Variants in EXOC1 observed in about 807,000 individuals in gnomAD.
The protein encoded by EXOC1 is SEC3-like 1.
Under a neutral mutation model 107.7 loss-of-function variants are expected in EXOC1, and 67 were observed. That is an observed-to-expected ratio of 0.62 (90% CI 0.51 to 0.76). EXOC1 has a LOEUF of 0.76. EXOC1 is among the 30% of genes least tolerant of loss of function. EXOC1 has a pLI of 0.00. For synonymous variants in EXOC1, 348 were observed against 353.5 expected (o/e 0.98, Z 0.17); for missense variants, 833 against 1,055.7 (o/e 0.79, Z 2.92).
chr4:55,896,666 G>A, intron 15 of EXOC1, 51 bp from the exon 16 acceptor site: 1 of 1,437,894 alleles, frequency 7.0e-7, no homozygotes, highest in Non-Finnish European at 9.4e-7. Context: ...ATTATATGTA[G>A]TTTTAAAGTT....
At position 55,903,802 on chromosome 4, in the gene EXOC1, A is replaced by G. The variant is rs28530658; in HGVS notation, c.2533-541A>G. 6.6e-3 allele frequency among the ~76,000 whole-genome samples: 1,009 copies of G among 152,336 alleles called. 11 individuals are homozygous for G. Among genetic ancestry groups the G allele is most frequent in the African/African-American group, 0.023 (968 of 41,574 alleles). On this transcript the variant is annotated intron_variant, in intron 18 of 18. Coordinates refer to ENST00000381295, the MANE Select transcript of EXOC1 (RefSeq NM_001024924.2). ...ACATATTAGCCTCCACTGTTAGATT[A>G]TAAATCACATGATTGCAGATAATGG...
Position 55,883,931 on chromosome 4 carries a change from A to G in EXOC1, c.1330+3A>G. The G allele has an allele frequency of 6.3e-7, 1 of 1,588,282 alleles. No homozygotes were observed. Among genetic ancestry groups the G allele is most frequent in the South Asian group, 1.2e-5 (1 of 86,494 alleles). On this transcript the variant is annotated splice_donor_region_variant and intron_variant, in intron 10 of 18. Transcript: ENST00000381295. ...AACTAAAGAAAGCAAGAAGTTTGGT[A>G]AGCTTAGGCATGTCAGTTCATTATC... is the stretch of plus-strand genomic sequence containing the variant.
In EXOC1 at chr4:55,853,840, G is replaced by T. The variant is rs1192025221; in HGVS notation, c.-124G>T. ...GCTGCCCGGTAGTCCCGGCGGCGGC[G>T]GACAGACGAGCTGACAGGCACCAGG... On this transcript the variant is annotated 5_prime_UTR_variant, in exon 1 of 19. Coordinates refer to ENST00000381295, the MANE Select transcript of EXOC1 (RefSeq NM_001024924.2). 1 of 152,354 alleles carries T rather than the reference G, an allele frequency of 6.6e-6. No homozygotes were observed. The highest frequency in any genetic ancestry group is 1.5e-5 in the Non-Finnish European group (1 of 68,150). 9.4% of individuals were successfully genotyped at this position (152,354 alleles called of 1,614,324 possible). A position where few individuals can be genotyped will look rare whatever the true frequency, so the allele number is the denominator to read the frequency against.
chr4:55,895,964 A>T, intron 15 of EXOC1, among the ~76,000 whole-genome samples: 1 of 152,186 alleles, frequency 6.6e-6, no homozygotes, highest in Admixed American at 6.5e-5. Flanking sequence ...TGGTTCTCAA[A>T]CTTGACCACG....
intron 5 of EXOC1, among the ~76,000 whole-genome samples, chr4:55,869,469 A>G (rs1160973573): frequency 7.9e-5 from 12 of 152,212 alleles, no homozygotes; most frequent in Admixed American, 2.6e-4. Flanking sequence ...AAAGGTAAGC[A>G]TTTAAGAAAT....
intron 12 of EXOC1, among the ~76,000 whole-genome samples, chr4:55,891,069 A>G (rs2062404405): frequency 6.6e-6 from 1 of 152,172 alleles, no homozygotes; most frequent in Non-Finnish European, 1.5e-5. Flanking sequence ...TCCTCTTTCC[A>G]GATGTGAAGT....
intron 10 of EXOC1, among the ~76,000 whole-genome samples, chr4:55,887,664 G>A (rs1238867777): frequency 6.6e-6 from 1 of 151,702 alleles, no homozygotes; most frequent in African/African-American, 2.4e-5. Context: ...GGCTGAGGTA[G>A]GAGGATCACT....
intron 10 of EXOC1, chr4:55,885,823 A>G (rs1291802855): frequency 6.6e-6 from 1 of 152,236 alleles, no homozygotes; most frequent in East Asian, 1.9e-4. Context: ...TTTTAAAATT[A>G]ATTTCAAGTT....
At chr4:55,881,325 G>A (rs566153359) in intron 9 of EXOC1, among the ~76,000 whole-genome samples, 1 of 152,220 alleles carries the variant, frequency 6.6e-6, no homozygotes, top group African/African-American at 2.4e-5. Context: ...CCTGAGATTG[G>A]CAGTCTGACT....
chr4:55,893,858 G>A (rs1319563576), intron 15 of EXOC1, 78 bp downstream of exon 15: 3 of 1,163,110 alleles, frequency 2.6e-6, no homozygotes, highest in Non-Finnish European at 3.6e-6. Flanking sequence ...AAAATCGAGG[G>A]ATTTCCAGCT....
chr4:55,902,520 A>G lies in EXOC1; in HGVS notation c.2514A>G (p.Glu838=), dbSNP rs1397630281. 3.9e-6 allele frequency: 6 copies of G among 1,527,940 alleles called. No homozygotes were observed. The highest frequency in any genetic ancestry group is 5.2e-6 in the Non-Finnish European group (6 of 1,144,628). 94.6% of individuals were successfully genotyped at this position (1,527,940 alleles called of 1,614,324 possible). ...AGAAAGTTGATAAACATTTATGTGA[A>G]GAAGAGAACTTACTTCAGGTATGCT... The part of the protein sequence containing the change: ...LYKKVDKHLC[E]EENLLQVVWH... The change falls in exon 18 of 19, where the codon GAA becomes GAG. Residue 838 remains glutamate, a synonymous_variant. Coordinates refer to ENST00000381295, the MANE Select transcript of EXOC1 (RefSeq NM_001024924.2).
At chr4:55,876,739 C>T (rs1239520881) in intron 8 of EXOC1, 1 of 985,186 alleles carries the variant, frequency 1.0e-6, no homozygotes. Flanking sequence ...AAGTAGATAT[C>T]AGTAAGATGA....
At chr4:55,895,776 A>G (rs1156228907) in intron 15 of EXOC1, among the ~76,000 whole-genome samples, 3 of 151,878 alleles carry the variant, frequency 2.0e-5, no homozygotes, top group African/African-American at 7.3e-5. Flanking sequence ...GCATTTTGTC[A>G]TATAATGCAC....
At position 55,891,148 on chromosome 4, in the gene EXOC1, G is replaced by A. The variant is rs1236863709; in HGVS notation, c.1540-167G>A. 2.6e-5 allele frequency among the ~76,000 whole-genome samples: 4 copies of A among 152,188 alleles called. No individual in the cohort carries two copies. In the South Asian group the frequency reaches 6.2e-4, roughly 24 times the overall value. ...TATACCTTGCTAATACCATTGTCCT[G>A]TAGATCTTGGAAGAGTTTGTTTTTG... On this transcript the variant is annotated intron_variant, in intron 12 of 18. Coordinates refer to ENST00000381295, the MANE Select transcript of EXOC1 (RefSeq NM_001024924.2).
chr4:55,885,743 G>C (rs549103093), intron 10 of EXOC1: 4 of 152,284 alleles, frequency 2.6e-5, no homozygotes, highest in Non-Finnish European at 4.4e-5. Context: ...TCAGCTACAG[G>C]AGAAGAAAAA....
chr4:55,881,158 TG>T (rs1372971781), intron 9 of EXOC1, among the ~76,000 whole-genome samples: 2 of 152,180 alleles, frequency 1.3e-5, no homozygotes, highest in African/African-American at 4.8e-5. Context: ...CCCCATTTTT[TG>T]GTATACAGAA....
intron 9 of EXOC1, among the ~76,000 whole-genome samples, chr4:55,882,153 T>G (rs1723459043): frequency 6.6e-6 from 1 of 152,208 alleles, no homozygotes. Context: ...TTCGTTTTTG[T>G]TTTTTTAGGC....
chr4:55,898,810 G>A (rs945063147), intron 16 of EXOC1, among the ~76,000 whole-genome samples: 6 of 152,032 alleles, frequency 3.9e-5, no homozygotes, highest in Non-Finnish European at 8.8e-5. Flanking sequence ...TGATTGCATA[G>A]TCATCCATAT....
rs1720690533 is a variant in EXOC1, at chr4:55,853,746, C to T, written c.-218C>T. The T allele has an allele frequency of 6.6e-6, 1 of 152,306 alleles. No homozygotes were observed. The highest frequency in any genetic ancestry group is 2.1e-4 in the South Asian group (1 of 4,836). 9.4% of individuals were successfully genotyped at this position (152,306 alleles called of 1,614,324 possible). On this transcript the variant is annotated 5_prime_UTR_variant, in exon 1 of 19. Transcript: ENST00000381295. Reference sequence around the variant, plus strand: ...CGTATCCTAGTGGCCCCCATCCGGTCTCCGTTTTGGAAGACCCGCCTCGGC... The same window carrying T: ...CGTATCCTAGTGGCCCCCATCCGGTTTCCGTTTTGGAAGACCCGCCTCGGC...
Sources: gnomAD v4.1 joint callset for allele counts (sites outside exome capture counted in the v4.1 genomes callset) on GRCh38, gnomAD v4.1.1 for gene constraint, MANE v1.5 for transcripts, NCBI Gene and HGNC (gene_info 2026-07-23, HGNC 2026-07-21) for gene names.